ARID1B: variants seen among roughly 807,000 people sequenced by gnomAD.
ARID1B encodes AT-rich interactive domain-containing protein 1B.
A neutral mutation model predicts 212.3 loss-of-function variants in ARID1B; 30 were observed. The ratio of observed to expected loss-of-function variants is 0.14; its 90% CI spans 0.11 to 0.19. ARID1B has a LOEUF of 0.19. ARID1B is among the 10% of genes least tolerant of loss of function. ARID1B has a pLI of 1.00. For synonymous variants in ARID1B, 1,402 were observed against 1,301.7 expected, an observed-to-expected ratio of 1.08 and a Z score of -1.66; for missense variants, 2,891 against 3,204.0, an observed-to-expected ratio of 0.90 and a Z score of 2.36.
At position 156,896,245 on chromosome 6, in the gene ARID1B, G is replaced by A. The variant is rs12661469; in HGVS notation, c.1987-5131G>A. Among the ~76,000 whole-genome samples the A allele has an allele frequency of 7.2e-5, 11 of 152,208 alleles. No individual in the cohort carries two copies. The East Asian group carries it at 2.1e-3, about 29-fold the overall frequency. ...AACAAGGCGCATGGCCGGGTCATGGGGTCAGTGTACCTTTAAACCTAGTAA... is the reference window on the plus strand; with the variant it reads ...AACAAGGCGCATGGCCGGGTCATGGAGTCAGTGTACCTTTAAACCTAGTAA... On this transcript the variant is annotated intron_variant, in intron 2 of 19. Coordinates refer to ENST00000636930, the MANE Select transcript of ARID1B (RefSeq NM_001374828.1).
chr6:156,838,165 C>G (rs1583135966), intron 2 of ARID1B, among the ~76,000 whole-genome samples: 1 of 152,016 alleles, frequency 6.6e-6, no homozygotes, highest in Admixed American at 6.6e-5. Flanking sequence ...ACCAAGCAAA[C>G]CAACCAGTAG....
intron 3 of ARID1B, among the ~76,000 whole-genome samples, chr6:156,902,468 G>A (rs1325789094): frequency 2.0e-5 from 3 of 151,880 alleles, no homozygotes; most frequent in South Asian, 2.1e-4. Flanking sequence ...ATAAATTTAC[G>A]GAGCTTAATT....
chr6:157,123,918 G>GA (rs1562637711), intron 6 of ARID1B, among the ~76,000 whole-genome samples: 1 of 152,228 alleles, frequency 6.6e-6, no homozygotes, highest in Non-Finnish European at 1.5e-5. Flanking sequence ...AGTAAGTGGT[G>GA]AAGACACGAT....
intron 2 of ARID1B, among the ~76,000 whole-genome samples, chr6:156,864,774 C>T (rs905279278): frequency 1.3e-5 from 2 of 152,150 alleles, no homozygotes; most frequent in Non-Finnish European, 2.9e-5. Flanking sequence ...AAGCATGACC[C>T]TTTATCCTCT....
chr6:156,931,159 A>G (rs980801731), intron 3 of ARID1B, among the ~76,000 whole-genome samples: 1 of 147,640 alleles, frequency 6.8e-6, no homozygotes, highest in African/African-American at 2.5e-5. Flanking sequence ...CCACTGCACT[A>G]CAGCCTGGAC....
chr6:157,038,564 C>T (rs941222796), intron 4 of ARID1B, among the ~76,000 whole-genome samples: 1 of 151,802 alleles, frequency 6.6e-6, no homozygotes, highest in Non-Finnish European at 1.5e-5. Context: ...AGTTTATAAC[C>T]CTAATAAATT....
At chr6:156,819,163 T>G (rs1286255417) in intron 1 of ARID1B, among the ~76,000 whole-genome samples, 3 of 152,198 alleles carry the variant, frequency 2.0e-5, no homozygotes. Flanking sequence ...TGAATCTGTA[T>G]TTGTATGGGA....
At chr6:156,828,762 A>C (rs1232656776) in intron 1 of ARID1B, among the ~76,000 whole-genome samples, 1 of 152,216 alleles carries the variant, frequency 6.6e-6, no homozygotes, top group Non-Finnish European at 1.5e-5. Context: ...ACTCGGTTGC[A>C]CTAAGGTTTG....
At position 157,200,962 on chromosome 6, in the gene ARID1B, C is replaced by T. The variant is rs756120841; in HGVS notation, c.4737C>T (p.Ser1579=). 1.2e-6 allele frequency: 2 copies of T among 1,614,086 alleles called. No homozygotes were observed. The highest frequency in any genetic ancestry group is 3.3e-5 in the Admixed American group (2 of 60,024). Residue 1579 remains serine, a synonymous_variant, in exon 18 of 20, where the codon TCC becomes TCT. Coordinates refer to ENST00000636930, the MANE Select transcript of ARID1B (RefSeq NM_001374828.1). This position sits in a 1 kb window ranked among gnomAD's most constrained non-coding sequence, Gnocchi z 4.3. ...TGGGCGGCCCGCTGCAGTCGTCCTC[C>T]AGTGAGGGGCCTCAGCAGAATATGT... The part of the protein sequence containing the change: ...QMMGGPLQSS[S]SEGPQQNMWA...
At chr6:156,981,211 A>T (rs920208147) in intron 4 of ARID1B, among the ~76,000 whole-genome samples, 9 of 152,224 alleles carry the variant, frequency 5.9e-5, no homozygotes, top group Admixed American at 2.6e-4. Context: ...ACCTGTGGGC[A>T]GGATGGATGA....
At chr6:156,847,234 T>C (rs1051821308) in intron 2 of ARID1B, among the ~76,000 whole-genome samples, 20 of 152,208 alleles carry the variant, frequency 1.3e-4, no homozygotes, top group Admixed American at 6.5e-4. Context: ...GAGTTTTCAG[T>C]GTCTCAAGGA....
intron 3 of ARID1B, among the ~76,000 whole-genome samples, chr6:156,927,859 C>T (rs142357835): frequency 6.6e-6 from 1 of 152,328 alleles, no homozygotes; most frequent in East Asian, 1.9e-4. Context: ...AAGACGATAG[C>T]ATCCCCGTCT....
At chr6:156,930,395 C>T (rs931159361) in intron 3 of ARID1B, among the ~76,000 whole-genome samples, 7 of 152,184 alleles carry the variant, frequency 4.6e-5, no homozygotes, top group Admixed American at 4.6e-4. Flanking sequence ...TTCCTGAGGC[C>T]TCCTCAGAAG....
rs191471345 is a variant in ARID1B at position 157,062,552 on chromosome 6, C to T, written c.2248-22110C>T. 5.0e-4 allele frequency among the ~76,000 whole-genome samples: 76 copies of T among 151,958 alleles called. 1 individual carries two copies. In the East Asian group the frequency reaches 0.013, roughly 26 times the overall value. On this transcript the variant is annotated intron_variant, in intron 4 of 19. Coordinates refer to ENST00000636930, the MANE Select transcript of ARID1B (RefSeq NM_001374828.1). Reference sequence around the variant, plus strand: ...CACGAGTTTGATTTTTAAATTTTCCCTTGTATATTCATAGAAGGTATGAGG... The same window carrying T: ...CACGAGTTTGATTTTTAAATTTTCCTTTGTATATTCATAGAAGGTATGAGG...
At chr6:157,010,922 T>C (rs1393419589) in intron 4 of ARID1B, among the ~76,000 whole-genome samples, 2 of 152,224 alleles carry the variant, frequency 1.3e-5, no homozygotes, top group Non-Finnish European at 2.9e-5. Context: ...TAGTTTAACT[T>C]TTTAACGAAG....
chr6:156,898,747 G>A (rs1227443543), intron 2 of ARID1B, among the ~76,000 whole-genome samples: 3 of 152,114 alleles, frequency 2.0e-5, no homozygotes, highest in African/African-American at 7.2e-5. Flanking sequence ...TGAGGTGGGC[G>A]GATCACCTGA....
intron 4 of ARID1B, among the ~76,000 whole-genome samples, chr6:156,947,409 A>G (rs1481244204): frequency 6.6e-6 from 1 of 152,150 alleles, no homozygotes; most frequent in African/African-American, 2.4e-5. Context: ...ATAGTCTACA[A>G]ATTTAATGCC....
intron 2 of ARID1B, among the ~76,000 whole-genome samples, chr6:156,892,730 A>G (rs1302672739): frequency 6.6e-6 from 1 of 152,178 alleles, no homozygotes; most frequent in Non-Finnish European, 1.5e-5. Context: ...TTCTGTCACA[A>G]TAAGTTGATT....
intron 4 of ARID1B, among the ~76,000 whole-genome samples, chr6:157,034,663 T>C (rs1383217449): frequency 6.6e-6 from 1 of 152,210 alleles, no homozygotes; most frequent in Non-Finnish European, 1.5e-5. Flanking sequence ...TAGAGGGGGA[T>C]TCCTTCCAAC....
Sources: gnomAD v4.1 joint callset for allele counts (sites outside exome capture counted in the v4.1 genomes callset) on GRCh38, gnomAD v4.1.1 for gene constraint, Gnocchi (gnomAD v3.1) non-coding constraint, MANE v1.5 for transcripts, NCBI Gene and HGNC (gene_info 2026-07-23, HGNC 2026-07-21) for gene names.